Variants in CDS2 observed in about 807,000 individuals in gnomAD.
CDS2 encodes the protein phosphatidate cytidylyltransferase 2.
A neutral mutation model predicts 59.0 loss-of-function variants in CDS2; 47 were observed. That is an observed-to-expected ratio of 0.80 (90% CI 0.63 to 1.02). The LOEUF is 1.02. CDS2 is among the 50% of genes least tolerant of loss of function. The pLI is 0.00. For synonymous variants in CDS2, 207 were observed against 206.4 expected (o/e 1.00, Z -0.02); for missense variants, 356 against 558.9 (o/e 0.64, Z 3.66).
chr20:5,130,195 G>A (rs1438392055), intron 1 of CDS2, among the ~76,000 whole-genome samples: 3 of 151,452 alleles, frequency 2.0e-5, no homozygotes, highest in South Asian at 4.2e-4. Context: ...GGTTGGTCTC[G>A]AACTCCTGAC....
At chr20:5,188,984 CA>C in intron 10 of CDS2, 82 bp from the exon 11 acceptor site, 1 of 1,571,072 alleles carries the variant, frequency 6.4e-7, no homozygotes, top group South Asian at 1.1e-5. Flanking sequence ...CAATGAGGAT[CA>C]AATTTCAACA....
intron 10 of CDS2, 131 bp downstream of exon 10, chr20:5,186,970 A>G: frequency 1.0e-6 from 1 of 1,000,182 alleles, no homozygotes; most frequent in Non-Finnish European, 1.5e-6. Context: ...AGGATGAAGG[A>G]GAATTGCTCA....
intron 1 of CDS2, among the ~76,000 whole-genome samples, chr20:5,169,843 G>GA (rs1332857158): frequency 6.6e-6 from 1 of 152,206 alleles, no homozygotes; most frequent in Non-Finnish European, 1.5e-5. Flanking sequence ...CTACCAGTGT[G>GA]AAAGAGCTTG....
chr20:5,162,112 T>C (rs2090880143), intron 1 of CDS2, among the ~76,000 whole-genome samples: 1 of 152,146 alleles, frequency 6.6e-6, no homozygotes, highest in Non-Finnish European at 1.5e-5. Flanking sequence ...TGAAATAGTT[T>C]ATGGATTTTT....
At position 5,178,926 on chromosome 20, in the gene CDS2, C is replaced by T. The variant is rs766708722; in HGVS notation, c.499C>T (p.Arg167Trp). 2.5e-6 allele frequency: 4 copies of T among 1,613,930 alleles called. No homozygotes were observed. Among genetic ancestry groups the T allele is most frequent in the Non-Finnish European group, 3.4e-6 (4 of 1,179,786 alleles). The change falls in exon 5 of 13, where the codon CGG becomes TGG. Residue 167 changes from arginine to tryptophan, a missense_variant. By Grantham distance (101) the Arg-to-Trp change is moderately radical (BLOSUM62 -3). This residue lies in a region of CDS2 where 87 missense variants were observed against 193.3 expected (regional missense o/e 0.45). Coordinates refer to ENST00000460006, the MANE Select transcript of CDS2 (RefSeq NM_003818.4). The stretch of plus-strand genomic sequence containing the variant: ...TTTGCGGATTCTCAGTAAATACCAC[C>T]GGTTCATTTCCTTTACTCTCTATCT... ...EPLRILSKYH[R>W]FISFTLYLIG...
At chr20:5,131,092 T>TAAA (rs1049352468) in intron 1 of CDS2, among the ~76,000 whole-genome samples, 1 of 105,098 alleles carries the variant, frequency 9.5e-6, no homozygotes, top group Non-Finnish European at 2.0e-5. Flanking sequence ...GACTCTGTCT[T>TAAA]AAAAAAAAAA....
intron 1 of CDS2, among the ~76,000 whole-genome samples, chr20:5,172,987 T>A (rs1380527750): frequency 6.6e-6 from 1 of 152,190 alleles, no homozygotes. Flanking sequence ...GAGCGTTGTC[T>A]GGAGTAGGCT....
chr20:5,136,565 AT>A (rs530714713), intron 1 of CDS2, among the ~76,000 whole-genome samples: 202 of 152,238 alleles, frequency 1.3e-3, no homozygotes, highest in Admixed American at 2.9e-3. Flanking sequence ...GATTTCCCAA[AT>A]TTCAGGATTT....
At chr20:5,169,249 AG>A (rs1233191024) in intron 1 of CDS2, among the ~76,000 whole-genome samples, 2 of 152,140 alleles carry the variant, frequency 1.3e-5, no homozygotes, top group African/African-American at 2.4e-5. Flanking sequence ...GGAAGGAAGG[AG>A]GAGGGGTGCC....
chr20:5,171,194 T>C (rs1019379374), intron 1 of CDS2, among the ~76,000 whole-genome samples: 1 of 152,246 alleles, frequency 6.6e-6, no homozygotes, highest in African/African-American at 2.4e-5. Flanking sequence ...AGAGAGGCTC[T>C]TAGCACGGAG....
At position 5,176,736 on chromosome 20, in the gene CDS2, C is replaced by A; in HGVS notation, c.380C>A (p.Thr127Lys). Reference sequence around the variant, plus strand: ...TCATATGATCTGCCCTGGTTCAGGACGCTCAGCTGGTAAGCTCTCCGGCCC... The same window carrying A: ...TCATATGATCTGCCCTGGTTCAGGAAGCTCAGCTGGTAAGCTCTCCGGCCC... ...YHSYDLPWFR[T>K]LSWYFLLCVN... The change falls in exon 4 of 13, where the codon ACG (threonine) becomes AAG (lysine). Residue 127 changes from threonine (T) to lysine (K), a missense_variant. By Grantham distance (78) the Thr-to-Lys change is moderately conservative. Transcript: ENST00000460006. 1 of 1,612,342 alleles carries A rather than the reference C, an allele frequency of 6.2e-7. No individual in the cohort carries two copies. The highest frequency in any genetic ancestry group is 1.3e-5 in the African/African-American group (1 of 75,000).
intron 1 of CDS2, among the ~76,000 whole-genome samples, chr20:5,152,080 TA>T (rs60654420): frequency 0.53 from 77,472 of 146,544 alleles, 20,875 homozygotes; most frequent in African/African-American, 0.66. Flanking sequence ...CATGGCTTTT[TA>T]AAAAAAAAAA....
At chr20:5,140,448 T>A (rs1321250463) in intron 1 of CDS2, among the ~76,000 whole-genome samples, 1 of 152,204 alleles carries the variant, frequency 6.6e-6, no homozygotes, top group East Asian at 1.9e-4. Flanking sequence ...TTCTTGATTT[T>A]AGCAGAGGCA....
intron 1 of CDS2, among the ~76,000 whole-genome samples, chr20:5,130,978 C>G (rs533039499): frequency 1.5e-4 from 23 of 151,422 alleles, no homozygotes; most frequent in Admixed American, 1.3e-3. Context: ...GTAGTCCCAG[C>G]TACTCGGAAG....
intron 2 of CDS2, among the ~76,000 whole-genome samples, chr20:5,174,475 G>A (rs568556173): frequency 1.2e-4 from 18 of 152,286 alleles, no homozygotes; most frequent in African/African-American, 4.3e-4. Context: ...GGTGGCTCAC[G>A]CCTGTAATTC....
intron 4 of CDS2, among the ~76,000 whole-genome samples, chr20:5,177,512 A>G (rs1437594590): frequency 1.3e-5 from 2 of 151,958 alleles, no homozygotes; most frequent in Admixed American, 1.3e-4. Flanking sequence ...CATGTCTGAG[A>G]CCCCTTTCTG....
At chr20:5,164,647 T>G (rs2090900511) in intron 1 of CDS2, among the ~76,000 whole-genome samples, 1 of 151,764 alleles carries the variant, frequency 6.6e-6, no homozygotes, top group Non-Finnish European at 1.5e-5. Context: ...AAAAAATTCC[T>G]TCCTTCCCCA....
chr20:5,183,575 G>A (rs139458673), intron 7 of CDS2, among the ~76,000 whole-genome samples: 1 of 152,322 alleles, frequency 6.6e-6, no homozygotes, highest in African/African-American at 2.4e-5. Flanking sequence ...TGAAAATTAT[G>A]TAAGATTCCA....
Position 5,178,861 on chromosome 20 carries a change from T to C in CDS2, c.434T>C (p.Val145Ala). The C allele has an allele frequency of 6.2e-7, 1 of 1,614,170 alleles. No homozygotes were observed. Among genetic ancestry groups the C allele is most frequent in the Non-Finnish European group, 8.5e-7 (1 of 1,179,984 alleles). The change falls in exon 5 of 13, where the codon GTG becomes GCG. Residue 145 changes from valine (V) to alanine (A), a missense_variant. By Grantham distance (64) the Val-to-Ala change is moderately conservative. Transcript: ENST00000460006. Reference protein sequence around the residue: ...CVNYFFYGETVTDYFFTLVQR... With the variant: ...CVNYFFYGETATDYFFTLVQR... ...AACTATTTCTTCTATGGTGAGACAGTGACGGATTACTTCTTCACCCTGGTC... is the reference window on the plus strand; with the variant it reads ...AACTATTTCTTCTATGGTGAGACAGCGACGGATTACTTCTTCACCCTGGTC...
Sources: gnomAD v4.1 joint callset for allele counts (sites outside exome capture counted in the v4.1 genomes callset) on GRCh38, gnomAD v4.1.1 for gene constraint, gnomAD v4.1.1 regional missense constraint, MANE v1.5 for transcripts, NCBI Gene and HGNC (gene_info 2026-07-23, HGNC 2026-07-21) for gene names.